The following PCLO variants were observed in gnomAD, a reference collection of about 807,000 sequenced individuals.
PCLO encodes the protein piccolo presynaptic cytomatrix protein.
In PCLO, 82 loss-of-function variants were observed where a neutral mutation model predicts 427.5. That is an observed-to-expected ratio of 0.19 (90% CI 0.16 to 0.23). The LOEUF (loss-of-function observed/expected upper bound fraction) is 0.23, where lower values mean the gene tolerates loss of function less well. PCLO is among the 10% of genes least tolerant of loss of function. The pLI is 1.00. For synonymous variants in PCLO, 2,357 were observed against 2,155.4 expected (o/e 1.09, Z -2.59); for missense variants, 6,239 against 6,115.9 (o/e 1.02, Z -0.67).
chr7:82,836,862 C>T (rs1401321405), intron 15 of PCLO, among the ~76,000 whole-genome samples: 3 of 152,010 alleles, frequency 2.0e-5, no homozygotes, highest in African/African-American at 4.8e-5. Context: ...TTTAAACAAA[C>T]CAACTACAGT....
chr7:83,102,558 G>A (rs1790762203), intron 3 of PCLO, among the ~76,000 whole-genome samples: 1 of 151,862 alleles, frequency 6.6e-6, no homozygotes, highest in South Asian at 2.1e-4. Flanking sequence ...CTGCCATTTT[G>A]TGATATCAGG....
chr7:82,879,931 A>AT (rs1259301427), intron 9 of PCLO: 1 of 411,610 alleles, frequency 2.4e-6, no homozygotes, highest in Non-Finnish European at 4.7e-6. Context: ...TAAATTATTT[A>AT]TTTTTCAGCC....
At position 82,859,525 on chromosome 7, in the gene PCLO, T is replaced by C. The variant is rs549280944; in HGVS notation, c.13655-12278A>G. ...CACCAAGGTTGTACCTTTACAAGTC[T>C]GCCAGAACCACAGCATTACTGGGCT... is the stretch of plus-strand genomic sequence containing the variant. On this transcript the variant is annotated intron_variant, in intron 10 of 24. Coordinates refer to ENST00000333891, the MANE Select transcript of PCLO (RefSeq NM_033026.6). Among the ~76,000 whole-genome samples the C allele has an allele frequency of 2.6e-5, 4 of 152,340 alleles. No homozygotes were observed. The South Asian group carries it at 8.3e-4, about 32-fold the overall frequency.
At chr7:82,761,131 AC>A (rs906592771) in intron 23 of PCLO, among the ~76,000 whole-genome samples, 6 of 151,262 alleles carry the variant, frequency 4.0e-5, no homozygotes, top group African/African-American at 1.5e-4. Flanking sequence ...ATTTTTCTTA[AC>A]AATTTAAAAT....
chr7:82,948,110 T>C (rs1034261039), intron 6 of PCLO, among the ~76,000 whole-genome samples: 2 of 152,060 alleles, frequency 1.3e-5, no homozygotes, highest in African/African-American at 4.8e-5. Flanking sequence ...ACACATTATA[T>C]AACTAACTTA....
At chr7:83,098,647 T>TAA (rs78890928) in intron 3 of PCLO, among the ~76,000 whole-genome samples, 1 of 151,862 alleles carries the variant, frequency 6.6e-6, no homozygotes, top group African/African-American at 2.4e-5. Flanking sequence ...ATATGTTCAT[T>TAA]AAAAAATTGC....
intron 3 of PCLO, among the ~76,000 whole-genome samples, chr7:83,036,477 G>A (rs1409391984): frequency 2.6e-5 from 4 of 152,026 alleles, no homozygotes; most frequent in Non-Finnish European, 5.9e-5. Context: ...CACTTATATT[G>A]CTCACCTGAT....
chr7:83,152,215 C>G (rs976372930), intron 2 of PCLO, among the ~76,000 whole-genome samples: 1 of 152,096 alleles, frequency 6.6e-6, no homozygotes, highest in Non-Finnish European at 1.5e-5. Flanking sequence ...CTGCCCGCCT[C>G]GGCCTCCCAA....
chr7:83,053,955 G>C (rs1789315331), intron 3 of PCLO, among the ~76,000 whole-genome samples: 1 of 151,878 alleles, frequency 6.6e-6, no homozygotes, highest in Admixed American at 6.6e-5. Flanking sequence ...TATACAAAAT[G>C]AAACAAATTC....
chr7:82,902,612 A>T (rs781131016), intron 9 of PCLO, 39 bp downstream of exon 9: 1 of 1,248,022 alleles, frequency 8.0e-7, no homozygotes. Flanking sequence ...AACAAAACAA[A>T]AAAACAAAAA....
chr7:82,880,100 A>G (rs1337686124), intron 9 of PCLO, among the ~76,000 whole-genome samples: 1 of 152,152 alleles, frequency 6.6e-6, no homozygotes, highest in East Asian at 1.9e-4. Context: ...GGTGAATAAT[A>G]TTATTATGAG....
In PCLO at chr7:83,046,805, C is replaced by T. The variant is rs73710117; in HGVS notation, c.3301-80318G>A. 7.6e-3 allele frequency among the ~76,000 whole-genome samples: 1,156 copies of T among 151,818 alleles called. 11 individuals carry two copies. The highest frequency in any genetic ancestry group is 0.026 in the African/African-American group (1,091 of 41,416). ...AAAATCAATTTTTTTAAAAAAGAGC[C>T]GTGGGTACTTTTGGCATTTCTCACA... On this transcript the variant is annotated intron_variant, in intron 3 of 24. Coordinates refer to ENST00000333891, the MANE Select transcript of PCLO (RefSeq NM_033026.6).
intron 3 of PCLO, among the ~76,000 whole-genome samples, chr7:83,109,124 C>T (rs1790939054): frequency 6.6e-6 from 1 of 152,144 alleles, no homozygotes; most frequent in Non-Finnish European, 1.5e-5. Context: ...GATGGAAGTA[C>T]TGGCCCCAAA....
chr7:83,159,761 A>T, intron 1 of PCLO, among the ~76,000 whole-genome samples: 1 of 152,106 alleles, frequency 6.6e-6, no homozygotes, highest in Non-Finnish European at 1.5e-5. Context: ...ATTTTATAAT[A>T]TTAGAAATAT....
Position 82,754,159 on chromosome 7 carries a change from T to A in PCLO, c.*4416A>T, listed in dbSNP as rs1385092047. The A allele has an allele frequency of 2.0e-5, 3 of 150,636 alleles. No homozygotes were observed. Among genetic ancestry groups the A allele is most frequent in the Non-Finnish European group, 4.4e-5 (3 of 67,698 alleles). 9.3% of individuals were successfully genotyped at this position (150,636 alleles called of 1,614,324 possible). ...AAAACTCAAGACGGATTTACAAGCATTTTTTTTTAAATGCAACTCTCATGT... is the reference window on the plus strand; with the variant it reads ...AAAACTCAAGACGGATTTACAAGCAATTTTTTTTAAATGCAACTCTCATGT... On this transcript the variant is annotated 3_prime_UTR_variant, in exon 25 of 25. Coordinates refer to ENST00000333891, the MANE Select transcript of PCLO (RefSeq NM_033026.6).
chr7:82,922,488 C>T (rs550876774), intron 6 of PCLO, among the ~76,000 whole-genome samples: 201 of 152,084 alleles, frequency 1.3e-3, no homozygotes, highest in African/African-American at 4.5e-3. Context: ...AATACAGGAA[C>T]AGAAAACCAA....
intron 3 of PCLO, among the ~76,000 whole-genome samples, chr7:83,082,043 T>A (rs1790114064): frequency 6.6e-6 from 1 of 151,560 alleles, no homozygotes; most frequent in Non-Finnish European, 1.5e-5. Context: ...TTAGATGAAA[T>A]GATACTGATT....
intron 8 of PCLO, among the ~76,000 whole-genome samples, chr7:82,904,500 G>A (rs1167865477): frequency 1.3e-5 from 2 of 152,044 alleles, no homozygotes; most frequent in South Asian, 2.1e-4. Flanking sequence ...GGTACTGCAG[G>A]TAATTCAGTA....
intron 18 of PCLO, 42 bp from the exon 19 acceptor site, chr7:82,824,458 A>C (rs768594646): frequency 2.1e-5 from 27 of 1,260,248 alleles, no homozygotes; most frequent in Non-Finnish European, 2.8e-5. Context: ...TAGGGACTAA[A>C]GTATAATTGA....
Sources: allele counts gnomAD v4.1 joint callset (sites outside exome capture counted in the v4.1 genomes callset), GRCh38; gene constraint gnomAD v4.1.1; transcripts MANE v1.5; gene names NCBI Gene and HGNC (gene_info 2026-07-23, HGNC 2026-07-21).